Variants in CCDC60 observed in about 807,000 individuals in gnomAD.
CCDC60 encodes coiled-coil domain-containing protein 60.
In CCDC60, 54 loss-of-function variants were observed where a neutral mutation model predicts 63.5. That is an observed-to-expected ratio of 0.85 (90% CI 0.68 to 1.07). The LOEUF (loss-of-function observed/expected upper bound fraction) is 1.07. CCDC60 is among the 50% of genes least tolerant of loss of function. CCDC60 has a pLI of 0.00. For synonymous variants in CCDC60, 206 were observed against 238.8 expected, an observed-to-expected ratio of 0.86 and a Z score of 1.27; for missense variants, 651 against 684.3, an observed-to-expected ratio of 0.95 and a Z score of 0.54.
chr12:119,385,407 T>A (rs951985717), intron 1 of CCDC60, among the ~76,000 whole-genome samples: 5 of 152,196 alleles, frequency 3.3e-5, no homozygotes, highest in Non-Finnish European at 1.5e-5. Context: ...GATAATTGAA[T>A]CATGGGGGCA....
intron 2 of CCDC60, among the ~76,000 whole-genome samples, chr12:119,463,702 T>C (rs925172036): frequency 2.0e-5 from 3 of 152,238 alleles, no homozygotes; most frequent in Admixed American, 2.0e-4. Context: ...TTGCAGCATC[T>C]CAAGTGTACA....
intron 1 of CCDC60, among the ~76,000 whole-genome samples, chr12:119,395,068 G>A (rs74983648): frequency 0.012 from 1,777 of 152,260 alleles, 30 homozygotes; most frequent in African/African-American, 0.039. Context: ...GCCTACAGAA[G>A]GTATAATGTG....
chr12:119,352,543 C>G (rs1008769814), intron 1 of CCDC60, among the ~76,000 whole-genome samples: 2 of 152,180 alleles, frequency 1.3e-5, no homozygotes, highest in African/African-American at 4.8e-5. Flanking sequence ...GAAAACCAGC[C>G]CAGTCTGGCC....
At chr12:119,408,824 C>CAAA (rs36061123) in intron 1 of CCDC60, among the ~76,000 whole-genome samples, 1 of 135,334 alleles carries the variant, frequency 7.4e-6, no homozygotes, top group Non-Finnish European at 1.6e-5. Flanking sequence ...GACTCCGTCT[C>CAAA]AAAAAAAAAA....
intron 13 of CCDC60, among the ~76,000 whole-genome samples, chr12:119,538,525 G>C (rs959147655): frequency 2.0e-5 from 3 of 152,216 alleles, no homozygotes; most frequent in Admixed American, 2.0e-4. Flanking sequence ...GCAGACTGGA[G>C]CTGTTCCTAT....
intron 6 of CCDC60, among the ~76,000 whole-genome samples, chr12:119,500,788 A>G (rs931805740): frequency 5.3e-5 from 8 of 152,154 alleles, no homozygotes; most frequent in Admixed American, 1.3e-4. Flanking sequence ...CAGGAATTGG[A>G]GGCTGCAGTG....
chr12:119,358,412 C>T (rs1457336934), intron 1 of CCDC60, among the ~76,000 whole-genome samples: 1 of 152,188 alleles, frequency 6.6e-6, no homozygotes, highest in East Asian at 1.9e-4. Flanking sequence ...TGGGATGACA[C>T]AGCAAGAAGG....
rs1953041619 is a variant in CCDC60, at chr12:119,537,599, G to A, written c.1552-3015G>A. ...GGTGACCTACAGATGGGGTTTTGGT[G>A]TGGATGTCCTTTTTGTTGATGTTGA... On this transcript the variant is annotated intron_variant, in intron 13 of 13. Transcript: ENST00000327554. Among the ~76,000 whole-genome samples, 4 of 152,222 alleles carry A rather than the reference G, an allele frequency of 2.6e-5. No individual in the cohort carries two copies. In the South Asian group the frequency reaches 8.3e-4, roughly 32 times the overall value.
chr12:119,535,863 A>C (rs1281754443), intron 13 of CCDC60, among the ~76,000 whole-genome samples: 1 of 152,152 alleles, frequency 6.6e-6, no homozygotes, highest in Non-Finnish European at 1.5e-5. Flanking sequence ...AATAAGTGCG[A>C]TGTGGTGCTA....
Position 119,540,635 on chromosome 12 carries a change from C to T in CCDC60, c.1573C>T (p.His525Tyr), listed in dbSNP as rs753159129. The change falls in exon 14 of 14, where the codon CAT becomes TAT. Residue 525 changes from histidine (H) to tyrosine (Y), a missense_variant. His to Tyr is a moderately conservative substitution (Grantham distance 83). Transcript: ENST00000327554. ...ACAGTTTGTGCGAGAACACATCATC[C>T]ATATGCCTCAAGAGGATTACATCAG... ...AIEFVREHIIHMPQEDYISWL... is the reference protein window; with the variant it reads ...AIEFVREHIIYMPQEDYISWL... 3 of 1,613,754 alleles carry T rather than the reference C, an allele frequency of 1.9e-6. No homozygotes were observed. Among genetic ancestry groups the T allele is most frequent in the South Asian group, 2.2e-5 (2 of 91,076 alleles).
chr12:119,397,554 G>A (rs979509526), intron 1 of CCDC60, among the ~76,000 whole-genome samples: 45 of 151,186 alleles, frequency 3.0e-4, no homozygotes, highest in African/African-American at 1.1e-3. Context: ...CATGAACCCC[G>A]AGCTAGACAC....
At chr12:119,457,555 T>C (rs993483383) in intron 2 of CCDC60, among the ~76,000 whole-genome samples, 5 of 152,258 alleles carry the variant, frequency 3.3e-5, no homozygotes, top group Non-Finnish European at 7.3e-5. Context: ...ATTTGCTGTA[T>C]ACACAATATG....
intron 1 of CCDC60, among the ~76,000 whole-genome samples, chr12:119,426,926 G>A (rs953062309): frequency 7.9e-5 from 12 of 152,176 alleles, no homozygotes; most frequent in Non-Finnish European, 1.3e-4. Context: ...CCTCAGAGCA[G>A]TAGGCACCAT....
intron 2 of CCDC60, among the ~76,000 whole-genome samples, chr12:119,441,707 T>A (rs1208519030): frequency 1.3e-5 from 2 of 152,268 alleles, no homozygotes; most frequent in Non-Finnish European, 2.9e-5. Flanking sequence ...TTATCCATAT[T>A]GTCTCTATTA....
intron 2 of CCDC60, among the ~76,000 whole-genome samples, chr12:119,439,844 G>C (rs1351868756): frequency 6.6e-6 from 1 of 152,168 alleles, no homozygotes; most frequent in Non-Finnish European, 1.5e-5. Flanking sequence ...ATTAAGGCAT[G>C]ACCTCCATTT....
At chr12:119,509,042 C>A (rs919558308) in intron 7 of CCDC60, among the ~76,000 whole-genome samples, 4 of 152,042 alleles carry the variant, frequency 2.6e-5, no homozygotes, top group African/African-American at 9.7e-5. Context: ...TAGGCACCTG[C>A]AACACTGCAG....
Position 119,540,906 on chromosome 12 carries a change from C to G in CCDC60, c.*191C>G, listed in dbSNP as rs903793439. On this transcript the variant is annotated 3_prime_UTR_variant, in exon 14 of 14. Coordinates refer to ENST00000327554, the MANE Select transcript of CCDC60 (RefSeq NM_178499.5). Reference sequence around the variant, plus strand: ...AGGGGGATGGCCCCGGTGGCCCTCCCCTCAATTCCACACCCCAGACCCAAC... The same window carrying G: ...AGGGGGATGGCCCCGGTGGCCCTCCGCTCAATTCCACACCCCAGACCCAAC... 20 of 546,788 alleles carry G rather than the reference C, an allele frequency of 3.7e-5. 1 individual carries two copies. In the South Asian group the frequency reaches 3.7e-4, roughly 10 times the overall value. 33.9% of individuals were successfully genotyped at this position (546,788 alleles called of 1,614,324 possible).
intron 5 of CCDC60, among the ~76,000 whole-genome samples, chr12:119,490,909 T>G (rs1593165671): frequency 6.6e-6 from 1 of 152,218 alleles, no homozygotes; most frequent in Non-Finnish European, 1.5e-5. Context: ...TGAATACAAT[T>G]TATGCTTATG....
At chr12:119,335,918 TTTTTA>T (rs1348733271) in intron 1 of CCDC60, among the ~76,000 whole-genome samples, 14 of 151,838 alleles carry the variant, frequency 9.2e-5, no homozygotes, top group Admixed American at 7.2e-4. Flanking sequence ...TCTTCTAGGG[TTTTTA>T]TGGTTTTCAT....
Sources: gnomAD v4.1 joint callset for allele counts (sites outside exome capture counted in the v4.1 genomes callset) on GRCh38, gnomAD v4.1.1 for gene constraint, MANE v1.5 for transcripts, NCBI Gene and HGNC (gene_info 2026-07-23, HGNC 2026-07-21) for gene names.